Variants in KANSL1L observed in about 807,000 individuals in gnomAD.
KANSL1L encodes KAT8 regulatory NSL complex subunit 1 like.
In KANSL1L, 25 loss-of-function variants were observed where a neutral mutation model predicts 108.6. The observed-to-expected ratio is 0.23, with a 90% confidence interval of 0.17 to 0.32. The LOEUF is 0.32. Among genes scored for constraint, KANSL1L ranks in the 10% least tolerant of loss-of-function variants. The pLI, the probability that KANSL1L is intolerant of heterozygous loss-of-function variation, is 1.00. For missense variants in KANSL1L, 1,137 were observed against 1,125.7 expected (o/e 1.01, Z -0.14); for synonymous variants, 405 against 395.1 (o/e 1.03, Z -0.30).
Position 210,158,620 on chromosome 2 carries a change from T to C in KANSL1L, c.-29-4009A>G, listed in dbSNP as rs28621658. ...ATGAAGACTTTTAAGCTCTAGTCTA[T>C]GAAAGTCCGGGACATATCATAGCTC... On this transcript the variant is annotated intron_variant, in intron 1 of 14. Transcript: ENST00000281772. Among the ~76,000 whole-genome samples the C allele has an allele frequency of 8.6e-3, 1,302 of 152,020 alleles. 21 individuals are homozygous for C. Among genetic ancestry groups the C allele is most frequent in the African/African-American group, 0.03 (1,244 of 41,434 alleles).
At chr2:210,162,222 G>GTATATATATA (rs71043976) in intron 1 of KANSL1L, among the ~76,000 whole-genome samples, 8,014 of 107,328 alleles carry the variant, frequency 0.075, 522 homozygotes, top group African/African-American at 0.095. Context: ...AGTGGTTCAG[G>GTATATATATA]TATATATATA....
chr2:210,118,049 C>T (rs948190255), intron 3 of KANSL1L, among the ~76,000 whole-genome samples: 29 of 151,262 alleles, frequency 1.9e-4, no homozygotes, highest in African/African-American at 6.8e-4. Context: ...GCCTGTAATC[C>T]CAGCTACTCA....
chr2:210,169,116 T>G (rs1688173213), intron 1 of KANSL1L, among the ~76,000 whole-genome samples: 1 of 152,014 alleles, frequency 6.6e-6, no homozygotes. Flanking sequence ...AATACAACAT[T>G]CTGTAATTTG....
chr2:210,107,179 T>C (rs2094855322), intron 3 of KANSL1L, among the ~76,000 whole-genome samples: 1 of 152,094 alleles, frequency 6.6e-6, no homozygotes, highest in Non-Finnish European at 1.5e-5. Context: ...AAGAACTGCC[T>C]CAGCAACATC....
intron 7 of KANSL1L, among the ~76,000 whole-genome samples, chr2:210,042,445 A>T (rs2094175716): frequency 6.6e-6 from 1 of 152,204 alleles, no homozygotes; most frequent in Admixed American, 6.5e-5. Flanking sequence ...TCTCAGGGTT[A>T]TGTCATCAGA....
chr2:210,089,589 T>C (rs1020147815), intron 5 of KANSL1L, among the ~76,000 whole-genome samples: 1 of 151,848 alleles, frequency 6.6e-6, no homozygotes, highest in Non-Finnish European at 1.5e-5. Flanking sequence ...AATGTCTAAG[T>C]AAACAAAATA....
intron 5 of KANSL1L, among the ~76,000 whole-genome samples, chr2:210,082,482 TAAG>T (rs918745055): frequency 2.6e-5 from 4 of 152,214 alleles, no homozygotes; most frequent in African/African-American, 9.6e-5. Flanking sequence ...TTACTCATAG[TAAG>T]AAGGTCATAA....
At chr2:210,107,581 T>G (rs1366149167) in intron 3 of KANSL1L, among the ~76,000 whole-genome samples, 1 of 150,632 alleles carries the variant, frequency 6.6e-6, no homozygotes, top group Non-Finnish European at 1.5e-5. Flanking sequence ...CAGGCTGGAG[T>G]GCAGTGGCGC....
chr2:210,149,169 A>G (rs1559603483), intron 2 of KANSL1L, among the ~76,000 whole-genome samples: 1 of 152,112 alleles, frequency 6.6e-6, no homozygotes, highest in South Asian at 2.1e-4. Flanking sequence ...TTTAAAAACC[A>G]TATATAGAAG....
At chr2:210,060,074 T>C (rs898120536) in intron 6 of KANSL1L, among the ~76,000 whole-genome samples, 24 of 152,336 alleles carry the variant, frequency 1.6e-4, no homozygotes, top group African/African-American at 5.5e-4. Flanking sequence ...TATGAGATGA[T>C]ATCTTTATTT....
At chr2:210,041,259 A>G (rs1406135972) in intron 7 of KANSL1L, among the ~76,000 whole-genome samples, 3 of 152,182 alleles carry the variant, frequency 2.0e-5, no homozygotes, top group Non-Finnish European at 4.4e-5. Flanking sequence ...CCAAGAATGA[A>G]AAAACAAAAT....
At chr2:210,150,612 A>G (rs1445139057) in intron 2 of KANSL1L, among the ~76,000 whole-genome samples, 1 of 151,802 alleles carries the variant, frequency 6.6e-6, no homozygotes, top group Non-Finnish European at 1.5e-5. Flanking sequence ...GAGAAACCCT[A>G]TCTCTACTAA....
intron 5 of KANSL1L, among the ~76,000 whole-genome samples, chr2:210,076,359 C>T (rs1316437327): frequency 6.6e-6 from 1 of 151,926 alleles, no homozygotes; most frequent in Non-Finnish European, 1.5e-5. Context: ...TGCTAGTTTT[C>T]ATATTTTAGT....
chr2:210,096,839 T>A, intron 5 of KANSL1L: 1 of 875,586 alleles, frequency 1.1e-6, no homozygotes, highest in Non-Finnish European at 1.4e-6. Context: ...GAACAATGGA[T>A]ACATAACTCA....
At chr2:210,097,225 T>C in intron 5 of KANSL1L, 2 of 970,736 alleles carry the variant, frequency 2.1e-6, no homozygotes, top group Non-Finnish European at 2.4e-6. Context: ...TTTGTTTACA[T>C]CCACTAATTT....
At chr2:210,160,830 C>T (rs971313710) in intron 1 of KANSL1L, among the ~76,000 whole-genome samples, 3 of 152,032 alleles carry the variant, frequency 2.0e-5, no homozygotes, top group African/African-American at 7.2e-5. Flanking sequence ...GTTAAAGGAA[C>T]CAGAATAGCC....
chr2:210,023,533 C>G (rs1481467203), intron 14 of KANSL1L, among the ~76,000 whole-genome samples: 1 of 152,090 alleles, frequency 6.6e-6, no homozygotes, highest in East Asian at 1.9e-4. Context: ...CTTTTTCTTT[C>G]CTGAGCTTTC....
chr2:210,170,367 G>A, intron 1 of KANSL1L: 6 of 985,292 alleles, frequency 6.1e-6, no homozygotes, highest in Non-Finnish European at 7.2e-6. Flanking sequence ...AAACAAAAAC[G>A]GACTCTCCCA....
At chr2:210,057,592 T>G (rs972756975) in intron 6 of KANSL1L, among the ~76,000 whole-genome samples, 1 of 152,040 alleles carries the variant, frequency 6.6e-6, no homozygotes, top group Non-Finnish European at 1.5e-5. Context: ...TCCCAGCTAC[T>G]CGGGAGGCTG....
Sources: gnomAD v4.1 joint callset for allele counts (sites outside exome capture counted in the v4.1 genomes callset) on GRCh38, gnomAD v4.1.1 for gene constraint, MANE v1.5 for transcripts, NCBI Gene and HGNC (gene_info 2026-07-23, HGNC 2026-07-21) for gene names.